Variants in LINGO1 observed in about 807,000 individuals in gnomAD.
The protein encoded by LINGO1 is leucine rich repeat and Ig domain containing 1.
A neutral mutation model predicts 37.3 loss-of-function variants in LINGO1; 11 were observed. That is an observed-to-expected ratio of 0.29 (90% CI 0.19 to 0.49). The LOEUF (loss-of-function observed/expected upper bound fraction) is 0.49, where lower values mean the gene tolerates loss of function less well. LINGO1 is among the 20% of genes least tolerant of loss of function. The probability of loss-of-function intolerance (pLI) is 0.99; values close to 1 mark genes in which losing one functional copy is unlikely to be tolerated. For missense variants in LINGO1, 585 were observed against 878.2 expected (o/e 0.67, Z 4.22); for synonymous variants, 387 against 403.0 (o/e 0.96, Z 0.48).
intron 2 of LINGO1, among the ~76,000 whole-genome samples, chr15:77,722,009 G>T (rs948403783): frequency 2.6e-5 from 4 of 152,284 alleles, no homozygotes; most frequent in South Asian, 2.1e-4. Context: ...GCTGCCTGGT[G>T]GGGGGTGAGG....
rs1192296856 is a variant in LINGO1 at position 77,615,655 on chromosome 15, T to C, written c.252A>G (p.Lys84=). The C allele has an allele frequency of 6.2e-7, 1 of 1,610,864 alleles. No individual in the cohort carries two copies. Among genetic ancestry groups the C allele is most frequent in the Non-Finnish European group, 8.5e-7 (1 of 1,178,480 alleles). ...RLLDLGKNRI[K]TLNQDEFASF... The stretch of plus-strand genomic sequence containing the variant: ...TGGCGAACTCGTCCTGGTTGAGCGT[T>C]TTGATGCGGTTCTTGCCTAGGTCCA... Residue 84 remains lysine, a synonymous_variant, in exon 2 of 2, where the codon AAA becomes AAG. Coordinates refer to ENST00000355300, the MANE Select transcript of LINGO1 (RefSeq NM_032808.7).
chr15:77,716,047 C>A (rs367863497), intron 2 of LINGO1, among the ~76,000 whole-genome samples: 2 of 152,190 alleles, frequency 1.3e-5, no homozygotes, highest in Admixed American at 6.5e-5. Context: ...ACTTAACAGG[C>A]GACCAGCTCA....
At chr15:77,798,391 G>A (rs1307903212) in intron 1 of LINGO1, among the ~76,000 whole-genome samples, 1 of 152,202 alleles carries the variant, frequency 6.6e-6, no homozygotes, top group Non-Finnish European at 1.5e-5. Context: ...AGCTCCACCT[G>A]AGCTGGCAGG....
chr15:77,794,287 T>TAC (rs1555543545), intron 2 of LINGO1, among the ~76,000 whole-genome samples: 44 of 104,858 alleles, frequency 4.2e-4, no homozygotes, highest in Middle Eastern at 5.0e-3. Context: ...CATATATATA[T>TAC]ATGTATGTAT....
chr15:77,684,211 T>C (rs2075464848), intron 2 of LINGO1, among the ~76,000 whole-genome samples: 1 of 152,200 alleles, frequency 6.6e-6, no homozygotes, highest in Non-Finnish European at 1.5e-5. Flanking sequence ...AGTCGACATT[T>C]AGGAAGTGCA....
intron 1 of LINGO1, among the ~76,000 whole-genome samples, chr15:77,621,541 C>T (rs77176897): frequency 0.047 from 7,201 of 152,234 alleles, 210 homozygotes; most frequent in Non-Finnish European, 0.059. Context: ...CTGCCTGGTG[C>T]GACACAGGGC....
At chr15:77,662,196 C>T (rs2075008997) in intron 3 of LINGO1, among the ~76,000 whole-genome samples, 1 of 152,186 alleles carries the variant, frequency 6.6e-6, no homozygotes, top group Non-Finnish European at 1.5e-5. Context: ...CCCCAGTGCA[C>T]AGCCCCAGTC....
chr15:77,698,433 C>T (rs1028436937), upstream of LINGO1, among the ~76,000 whole-genome samples: 1 of 152,194 alleles, frequency 6.6e-6, no homozygotes, highest in African/African-American at 2.4e-5. Context: ...GACTCACAGA[C>T]GCTGCCCAAG....
chr15:77,614,381 G>A lies in LINGO1; in HGVS notation c.1526C>T (p.Pro509Leu), dbSNP rs773291643. 6.2e-7 allele frequency: 1 copy of A among 1,613,624 alleles called. No individual in the cohort carries two copies. Among genetic ancestry groups the A allele is most frequent in the Non-Finnish European group, 8.5e-7 (1 of 1,179,842 alleles). ...AANAGGNDSMPAHLHVRSYSP... is the reference protein window; with the variant it reads ...AANAGGNDSMLAHLHVRSYSP... ...GTAGCTGCGCACATGCAGGTGGGCGGGCATGGAGTCGTTGCCGCCCGCGTT... is the reference window on the plus strand; with the variant it reads ...GTAGCTGCGCACATGCAGGTGGGCGAGCATGGAGTCGTTGCCGCCCGCGTT... Residue 509 changes from proline (P) to leucine (L), a missense_variant, in exon 2 of 2, where the codon CCC becomes CTC. Pro to Leu is a moderately conservative substitution (Grantham distance 98). This residue lies in a region of LINGO1 where 484 missense variants were observed against 735.0 expected (regional missense o/e 0.66). Coordinates refer to ENST00000355300, the MANE Select transcript of LINGO1 (RefSeq NM_032808.7).
chr15:77,795,759 C>T (rs2076867579), intron 2 of LINGO1, among the ~76,000 whole-genome samples: 1 of 152,248 alleles, frequency 6.6e-6, no homozygotes, highest in South Asian at 2.1e-4. Context: ...TTCCAAGCTG[C>T]CTGCCGGAGC....
chr15:77,738,764 GAA>G (rs2076228181), intron 1 of LINGO1, among the ~76,000 whole-genome samples: 1 of 146,130 alleles, frequency 6.8e-6, no homozygotes, highest in African/African-American at 2.6e-5. Flanking sequence ...AGGAAGGAAG[GAA>G]GGAAGGAAGG....
chr15:77,634,481 G>A (rs1418872403), upstream of LINGO1: 1 of 375,706 alleles, frequency 2.7e-6, no homozygotes, highest in East Asian at 7.4e-5. Context: ...CTCTGGGGGA[G>A]GCACTATTGT....
intron 1 of LINGO1, among the ~76,000 whole-genome samples, chr15:77,617,571 G>A (rs971430009): frequency 6.6e-6 from 1 of 152,118 alleles, no homozygotes; most frequent in African/African-American, 2.4e-5. Flanking sequence ...CTCCACCCTA[G>A]CTCAGGCCCT....
intron 1 of LINGO1, among the ~76,000 whole-genome samples, chr15:77,780,577 A>G (rs76569052): frequency 0.012 from 1,886 of 152,162 alleles, 41 homozygotes; most frequent in African/African-American, 0.043. Context: ...ATATCGTCAG[A>G]GGACAGGAGT....
chr15:77,661,756 G>T (rs1009069603), intron 3 of LINGO1, among the ~76,000 whole-genome samples: 21 of 152,178 alleles, frequency 1.4e-4, no homozygotes, highest in Non-Finnish European at 8.8e-5. Flanking sequence ...TTCCCAGCGG[G>T]GCCTGAGCAA....
chr15:77,772,461 G>A (rs1362221659), intron 1 of LINGO1, among the ~76,000 whole-genome samples: 1 of 152,152 alleles, frequency 6.6e-6, no homozygotes, highest in African/African-American at 2.4e-5. Flanking sequence ...GGCAGACGCT[G>A]CGGCTCAGAA....
chr15:77,622,562 T>C (rs1008068259), intron 1 of LINGO1, among the ~76,000 whole-genome samples: 2 of 152,208 alleles, frequency 1.3e-5, no homozygotes, highest in African/African-American at 2.4e-5. Flanking sequence ...CTGGGCTCCT[T>C]GTGACTTGTC....
intron 3 of LINGO1, among the ~76,000 whole-genome samples, chr15:77,676,526 C>T (rs553338904): frequency 1.6e-4 from 24 of 152,238 alleles, no homozygotes; most frequent in African/African-American, 5.3e-4. Flanking sequence ...CCAGGAGTGG[C>T]GCAGAAATGG....
intron 2 of LINGO1, among the ~76,000 whole-genome samples, chr15:77,679,295 CTTAAT>C (rs2075376609): frequency 6.6e-6 from 1 of 152,174 alleles, no homozygotes. Flanking sequence ...AGATAAACAT[CTTAAT>C]TTAATTATTT....
Sources: gnomAD v4.1 joint callset for allele counts (sites outside exome capture counted in the v4.1 genomes callset) on GRCh38, gnomAD v4.1.1 for gene constraint, gnomAD v4.1.1 regional missense constraint, MANE v1.5 for transcripts, NCBI Gene and HGNC (gene_info 2026-07-23, HGNC 2026-07-21) for gene names.